Variants in HPS1 observed in about 807,000 individuals in gnomAD.
HPS1 encodes HPS1 biogenesis of lysosomal organelles complex 3 subunit 1, also known as BLOC-3 complex member HPS1.
HPS1 carries 59 observed loss-of-function variants against 90.6 expected under a neutral mutation model. The ratio of observed to expected loss-of-function variants is 0.65; its 90% CI spans 0.53 to 0.81. The LOEUF is 0.81. Ranked by LOEUF, HPS1 falls within the 30% of genes least tolerant of loss-of-function variation. The pLI, the probability that HPS1 is intolerant of heterozygous loss-of-function variation, is 0.00. For missense variants in HPS1, 849 were observed against 896.7 expected, an observed-to-expected ratio of 0.95 and a Z score of 0.68; for synonymous variants, 388 against 384.4, an observed-to-expected ratio of 1.01 and a Z score of -0.11.
At position 98,430,599 on chromosome 10, in the gene HPS1, C is replaced by G. The variant is rs748924060; in HGVS notation, c.740G>C (p.Ser247Thr). 1 of 1,555,240 alleles carries G rather than the reference C, an allele frequency of 6.4e-7. No homozygotes were observed. Among genetic ancestry groups the G allele is most frequent in the Non-Finnish European group, 8.7e-7 (1 of 1,148,650 alleles). The stretch of plus-strand genomic sequence containing the variant: ...AATGTCGTCCTCTGCTGTGCTCTCG[C>G]TGGGGTAGAGGTCCTGAACCAGGAG... Reference protein sequence around the residue: ...LILLVQDLYPSESTAEDDIQP... With the variant: ...LILLVQDLYPTESTAEDDIQP... Residue 247 changes from serine to threonine, a missense_variant, in exon 8 of 20, where the codon AGC becomes ACC. By Grantham distance (58) the Ser-to-Thr change is moderately conservative (BLOSUM62 1). Transcript: ENST00000361490.
Position 98,426,150 on chromosome 10 carries a change from C to T in HPS1, c.988-165G>A, listed in dbSNP as rs1019199943. The stretch of plus-strand genomic sequence containing the variant: ...ACCTGCCCTCGCAGCTCCAGTTTCG[C>T]TGTTGCCCCTCTCCCTCAGCTGCTC... On this transcript the variant is annotated intron_variant, in intron 11 of 19. Transcript: ENST00000361490. 2.8e-5 allele frequency: 18 copies of T among 636,032 alleles called. No individual in the cohort carries two copies. The Admixed American group carries it at 4.9e-4, about 17-fold the overall frequency. The allele number at this position is 636,032 out of a possible 1,614,324, so 39.4% of individuals were successfully genotyped here. A position where few individuals can be genotyped will look rare whatever the true frequency, so the allele number is the denominator to read the frequency against.
chr10:98,421,738 C>T (rs925286155), intron 17 of HPS1, among the ~76,000 whole-genome samples: 2 of 152,178 alleles, frequency 1.3e-5, no homozygotes, highest in Non-Finnish European at 2.9e-5. Context: ...ATATTTGATA[C>T]GTATCCTCTC....
downstream of HPS1, among the ~76,000 whole-genome samples, chr10:98,415,848 G>T (rs1250933306): frequency 6.6e-6 from 1 of 152,252 alleles, no homozygotes; most frequent in African/African-American, 2.4e-5. Flanking sequence ...GGCCTGGCCA[G>T]TTCTCCTCTT....
At chr10:98,415,317 T>G, downstream of HPS1, 1 of 809,518 alleles carries the variant, frequency 1.2e-6, no homozygotes. Context: ...GGGGCTGTGC[T>G]GGGCCGTCGG....
chr10:98,433,911 T>C lies in HPS1; in HGVS notation c.507+72A>G, dbSNP rs1036320046. 2.8e-5 allele frequency: 43 copies of C among 1,540,486 alleles called. No homozygotes were observed. In the African/African-American group the frequency reaches 4.4e-4, roughly 16 times the overall value. ...GCCTTCATTCATTAGGGTTAAAACA[T>C]GGTCTTAAAGGTGGACGCCCCCTCT... On this transcript the variant is annotated intron_variant, in intron 6 of 19. Transcript: ENST00000361490.
At chr10:98,443,100 T>A in intron 3 of HPS1, 24 bp downstream of exon 3, 1 of 1,513,300 alleles carries the variant, frequency 6.6e-7, no homozygotes, top group South Asian at 1.1e-5. Context: ...CCACCCCTCC[T>A]GGGACTGCCT....
chr10:98,431,282 G>A lies in HPS1; in HGVS notation c.517C>T (p.Arg173Ter), dbSNP rs538274657. 1.1e-5 allele frequency: 18 copies of A among 1,613,572 alleles called. No homozygotes were observed. The highest frequency in any genetic ancestry group is 5.5e-5 in the South Asian group (5 of 91,080). ...TCACAGAGCTGGGGGTGAATCAGTC[G>A]CTCCAGGGCCTAGCCAGGGCAGGAA... Reference protein sequence around the residue: ...EQCFAVEALERLIHPQLCELC... With the variant: ...EQCFAVEALE The change falls in exon 7 of 20, where the codon CGA (arginine) becomes TGA (stop). Residue 173 changes from arginine (R) to a stop codon, truncating the protein, a stop_gained. Coordinates refer to ENST00000361490, the MANE Select transcript of HPS1 (RefSeq NM_000195.5). LOFTEE classifies it high-confidence loss of function.
downstream of HPS1, chr10:98,414,732 C>A: frequency 2.4e-6 from 1 of 408,308 alleles, no homozygotes; most frequent in Non-Finnish European, 4.4e-6. Flanking sequence ...CTGAGCTCAC[C>A]TAGTCTTCCT....
intron 6 of HPS1, among the ~76,000 whole-genome samples, chr10:98,432,983 C>T (rs1846706571): frequency 6.6e-6 from 1 of 152,118 alleles, no homozygotes; most frequent in Non-Finnish European, 1.5e-5. Flanking sequence ...GCCTGTAATC[C>T]CAGCACTTTG....
intron 10 of HPS1, chr10:98,429,299 A>G (rs1222275366): frequency 2.2e-6 from 3 of 1,349,832 alleles, no homozygotes; most frequent in African/African-American, 2.9e-5. Flanking sequence ...AAAAAAGATG[A>G]GTCTGAGAAT....
At position 98,446,880 on chromosome 10, in the gene HPS1, C is replaced by G. The variant is rs2136386491; in HGVS notation, c.-179G>C. The G allele has an allele frequency of 6.6e-6, 1 of 152,258 alleles. No individual in the cohort carries two copies. The highest frequency in any genetic ancestry group is 1.5e-5 in the Non-Finnish European group (1 of 68,022). 9.4% of individuals were successfully genotyped at this position (152,258 alleles called of 1,614,324 possible). ...CCCCAGAGGGGACAGCCCGGAGGCC[C>G]ACGTACCGGATCGCGGCGCGCACAG... On this transcript the variant is annotated 5_prime_UTR_variant, in exon 1 of 20. Coordinates refer to ENST00000361490, the MANE Select transcript of HPS1 (RefSeq NM_000195.5).
In HPS1 at chr10:98,443,120, T is replaced by C. The variant is rs760477160; in HGVS notation, c.117+4A>G. On this transcript the variant is annotated splice_donor_region_variant and intron_variant, in intron 3 of 19. Transcript: ENST00000361490. ...CCTCCTGGGACTGCCTACCCTGCAC[T>C]CACCTCTTCTTCCTCATTCTCTGAC... is the stretch of plus-strand genomic sequence containing the variant. 6.3e-7 allele frequency: 1 copy of C among 1,598,504 alleles called. No homozygotes were observed.
At chr10:98,431,321 A>G (rs745591734) in intron 6 of HPS1, 30 bp from the exon 7 acceptor site, 9 of 1,611,556 alleles carry the variant, frequency 5.6e-6, no homozygotes, top group South Asian at 2.2e-5. Context: ...AGAGGAAGCC[A>G]TATCACCAAC....
At chr10:98,431,384 A>C (rs1381050255) in intron 6 of HPS1, 93 bp from the exon 7 acceptor site, 1 of 1,343,518 alleles carries the variant, frequency 7.4e-7, no homozygotes, top group Non-Finnish European at 1.0e-6. Flanking sequence ...CTCTGTCCAC[A>C]GTGAGCTTGG....
intron 10 of HPS1, chr10:98,429,372 G>A (rs1391116611): frequency 6.6e-7 from 1 of 1,520,876 alleles, no homozygotes; most frequent in East Asian, 2.5e-5. Context: ...CAGTGGAGTG[G>A]TCTTAACAAT....
At position 98,425,521 on chromosome 10, in the gene HPS1, G is replaced by A; in HGVS notation, c.1335+20C>T. On this transcript the variant is annotated intron_variant, in intron 13 of 19. Transcript: ENST00000361490. ...CCCTGCCTCTTCCCCAGGTGGGGAG[G>A]ACTGGAACTTGGGTCTCACCTGAAT... 1.2e-6 allele frequency: 2 copies of A among 1,601,874 alleles called. No individual in the cohort carries two copies. Among genetic ancestry groups the A allele is most frequent in the South Asian group, 2.3e-5 (2 of 88,660 alleles).
Position 98,434,045 on chromosome 10 carries a change from A to C in HPS1, c.445T>G (p.Phe149Val). Reference sequence around the variant, plus strand: ...CTGTAGGTCCACAGCAGGCTCTGGAAGTGCTCCCACAGCTGGACACGCTGC... The same window carrying C: ...CTGTAGGTCCACAGCAGGCTCTGGACGTGCTCCCACAGCTGGACACGCTGC... Reference protein sequence around the residue: ...LAQRVQLWEHFQSLLWTYSRL... With the variant: ...LAQRVQLWEHVQSLLWTYSRL... Residue 149 changes from phenylalanine to valine, a missense_variant, in exon 6 of 20, where the codon TTC becomes GTC. Transcript: ENST00000361490. 2.6e-6 allele frequency: 4 copies of C among 1,554,906 alleles called. No individual in the cohort carries two copies. Among genetic ancestry groups the C allele is most frequent in the Non-Finnish European group, 3.5e-6 (4 of 1,149,120 alleles).
intron 11 of HPS1, 159 bp from the exon 12 acceptor site, chr10:98,426,144 G>T: frequency 1.5e-6 from 1 of 650,190 alleles, no homozygotes; most frequent in Non-Finnish European, 2.6e-6. Context: ...CGCAGCTCCA[G>T]TTTCGCTGTT....
In HPS1 at chr10:98,429,556, T is replaced by C. The variant is rs765690643; in HGVS notation, c.937+17A>G. The C allele has an allele frequency of 1.2e-6, 2 of 1,614,078 alleles. No homozygotes were observed. Among genetic ancestry groups the C allele is most frequent in the African/African-American group, 2.7e-5 (2 of 74,944 alleles). On this transcript the variant is annotated intron_variant, in intron 10 of 19. Coordinates refer to ENST00000361490, the MANE Select transcript of HPS1 (RefSeq NM_000195.5). ...GCAGCTAGCTATTGTTTCCTCCTGCTTTCCTCCGGTCCTCACCTGAGCTCT... is the reference window on the plus strand; with the variant it reads ...GCAGCTAGCTATTGTTTCCTCCTGCCTTCCTCCGGTCCTCACCTGAGCTCT...
Sources: gnomAD v4.1 joint callset for allele counts (sites outside exome capture counted in the v4.1 genomes callset) on GRCh38, gnomAD v4.1.1 for gene constraint, MANE v1.5 for transcripts, NCBI Gene and HGNC (gene_info 2026-07-23, HGNC 2026-07-21) for gene names.